UTY: variants seen among roughly 807,000 people sequenced by gnomAD.
UTY encodes ubiquitously transcribed tetratricopeptide repeat containing, Y-linked.
In UTY, 12 loss-of-function variants were observed where a neutral mutation model predicts 32.5. The observed-to-expected ratio is 0.37, with a 90% CI of 0.24 to 0.60. The LOEUF (loss-of-function observed/expected upper bound fraction) is 0.60, where lower values mean the gene tolerates loss of function less well. Among genes scored for constraint, UTY ranks in the 20% least tolerant of loss-of-function variants. UTY has a pLI of 0.69. For synonymous variants in UTY, 131 were observed against 103.4 expected (o/e 1.27, Z -1.62); for missense variants, 303 against 299.2 (o/e 1.01, Z -0.09).
chrY:13,316,316 A>C, intron 21 of UTY, among the ~76,000 whole-genome samples: 3 of 33,340 alleles, frequency 9.0e-5, no homozygotes. Flanking sequence ...AACTTATTTT[A>C]TTTTATTTTG....
At chrY:13,256,680 T>C (rs767187952) in intron 28 of UTY, among the ~76,000 whole-genome samples, 2 of 33,697 alleles carry the variant, frequency 5.9e-5, no homozygotes, top group South Asian at 6.6e-4. Flanking sequence ...AATTGAGGTA[T>C]TGACTGCTTT....
At chrY:13,325,118 C>T (rs1032783016) in intron 19 of UTY, among the ~76,000 whole-genome samples, 6 of 33,392 alleles carry the variant, frequency 1.8e-4, no homozygotes, top group Non-Finnish European at 3.0e-4. Context: ...GTAGAAGAGA[C>T]ATTTAAAGTT....
Position 13,305,435 on chromosome Y carries a change from G to T in UTY, c.3529C>A (p.Gln1177Lys). 2.5e-6 allele frequency: 1 copy of T among 395,277 alleles called. No homozygotes were observed. Among genetic ancestry groups the T allele is most frequent in the South Asian group, 3.0e-5 (1 of 33,517 alleles). Residue 1177 changes from glutamine (Q) to lysine (K), a missense_variant, in exon 24 of 30, where the codon CAA becomes AAA. Physicochemically the swap from Gln to Lys is moderately conservative, Grantham distance 53. Coordinates refer to ENST00000545955, the MANE Select transcript of UTY (RefSeq NM_001258249.2). Reference sequence around the variant, plus strand: ...CTCCCTGGAACTTTCATATACAGTTGTACTGTATTCATGCCCAGAATGGTA... The same window carrying T: ...CTCCCTGGAACTTTCATATACAGTTTTACTGTATTCATGCCCAGAATGGTA... ...GHTILGMNTVQLYMKVPGSRT... is the reference protein window; with the variant it reads ...GHTILGMNTVKLYMKVPGSRT...
chrY:13,277,366 T>A, intron 27 of UTY, among the ~76,000 whole-genome samples: 1 of 33,485 alleles, frequency 3.0e-5, no homozygotes, highest in Non-Finnish European at 7.4e-5. Context: ...CCAGTTATCA[T>A]CACCCCTGCA....
At chrY:13,331,975 T>C in intron 18 of UTY, among the ~76,000 whole-genome samples, 1 of 33,832 alleles carries the variant, frequency 3.0e-5, no homozygotes, top group Non-Finnish European at 7.4e-5. Context: ...TGGAACCAAG[T>C]TGGAAAAAGC....
chrY:13,467,372 T>C (rs756698751), intron 3 of UTY, among the ~76,000 whole-genome samples: 1 of 34,428 alleles, frequency 2.9e-5, no homozygotes, highest in African/African-American at 1.1e-4. Context: ...AACAATTTCC[T>C]TGGAGTCTTT....
chrY:13,265,175 G>A, intron 27 of UTY, among the ~76,000 whole-genome samples: 8 of 33,701 alleles, frequency 2.4e-4, no homozygotes, highest in Non-Finnish European at 4.4e-4. Flanking sequence ...CAGGTAGTGT[G>A]ATGTTTCCAG....
chrY:13,479,049 C>G, intron 2 of UTY: 3 of 117,227 alleles, frequency 2.6e-5, no homozygotes, highest in African/African-American at 1.0e-4. Context: ...CCAAAGCGTC[C>G]GATTTTTTTT....
intron 15 of UTY, 48 bp downstream of exon 15, chrY:13,357,829 G>C (rs751995089): frequency 2.2e-5 from 7 of 315,629 alleles, no homozygotes; most frequent in South Asian, 1.6e-4. Context: ...AACATTTACT[G>C]TTTCTACTGC....
intron 21 of UTY, among the ~76,000 whole-genome samples, chrY:13,320,298 C>T (rs2059747212): frequency 3.1e-5 from 1 of 32,648 alleles, no homozygotes; most frequent in Non-Finnish European, 7.5e-5. Context: ...ATTTTCTTGT[C>T]AATTGTGTCT....
At chrY:13,340,669 C>T in intron 17 of UTY, among the ~76,000 whole-genome samples, 1 of 33,519 alleles carries the variant, frequency 3.0e-5, no homozygotes, top group Non-Finnish European at 7.4e-5. Flanking sequence ...GTTTATCAGC[C>T]CTTCTCTACT....
intron 10 of UTY, among the ~76,000 whole-genome samples, chrY:13,364,490 G>C (rs2063887685): frequency 3.0e-5 from 1 of 32,989 alleles, no homozygotes; most frequent in Non-Finnish European, 7.5e-5. Flanking sequence ...TCAGTCTCCA[G>C]AGCAGCTGGT....
chrY:13,254,550 C>A, intron 28 of UTY, among the ~76,000 whole-genome samples: 1 of 32,569 alleles, frequency 3.1e-5, no homozygotes, highest in Non-Finnish European at 7.6e-5. Flanking sequence ...ATTCCCTTAC[C>A]CCCATATAAC....
chrY:13,289,632 T>C, intron 27 of UTY, among the ~76,000 whole-genome samples: 1 of 33,920 alleles, frequency 2.9e-5, no homozygotes, highest in Admixed American at 2.6e-4. Flanking sequence ...TTTAAGGCAG[T>C]AGCTTGCCAA....
intron 6 of UTY, among the ~76,000 whole-genome samples, chrY:13,403,030 G>A: frequency 3.0e-5 from 1 of 32,857 alleles, no homozygotes; most frequent in African/African-American, 1.2e-4. Flanking sequence ...CAAAACATGG[G>A]CACTAAAAAT....
intron 18 of UTY, among the ~76,000 whole-genome samples, chrY:13,332,777 A>T: frequency 3.0e-5 from 1 of 33,254 alleles, no homozygotes; most frequent in Non-Finnish European, 7.4e-5. Flanking sequence ...AAGGGTATTC[A>T]TATAGGAAGA....
chrY:13,479,399 G>A, intron 1 of UTY, 82 bp from the exon 2 acceptor site: 1 of 386,965 alleles, frequency 2.6e-6, no homozygotes. Context: ...GAGCGACAGC[G>A]ACAGATTGGT....
chrY:13,242,973 C>T, intron 28 of UTY, among the ~76,000 whole-genome samples: 1 of 33,124 alleles, frequency 3.0e-5, no homozygotes, highest in South Asian at 6.8e-4. Flanking sequence ...AGGCTGGGCA[C>T]AGAGTGCAAT....
intron 4 of UTY, among the ~76,000 whole-genome samples, chrY:13,425,091 T>A: frequency 3.0e-5 from 1 of 33,461 alleles, no homozygotes; most frequent in Non-Finnish European, 7.4e-5. Flanking sequence ...ATACACATTA[T>A]CAAAAAATGC....
Sources: allele counts gnomAD v4.1 joint callset (sites outside exome capture counted in the v4.1 genomes callset), GRCh38; gene constraint gnomAD v4.1.1; transcripts MANE v1.5; gene names NCBI Gene and HGNC (gene_info 2026-07-23, HGNC 2026-07-21).